Variants in GABRG2 observed in about 807,000 individuals in gnomAD.
The protein encoded by GABRG2 is gamma-aminobutyric acid type A receptor subunit gamma2.
Under a neutral mutation model 56.4 loss-of-function variants are expected in GABRG2, and 16 were observed. The observed-to-expected ratio is 0.28, with a 90% CI of 0.19 to 0.43. The LOEUF (loss-of-function observed/expected upper bound fraction) is 0.43. Among genes scored for constraint, GABRG2 ranks in the 20% least tolerant of loss-of-function variants. The pLI is 1.00. For missense variants in GABRG2, 327 were observed against 582.7 expected, an observed-to-expected ratio of 0.56 and a Z score of 4.52; for synonymous variants, 208 against 205.5, an observed-to-expected ratio of 1.01 and a Z score of -0.10.
At position 162,099,571 on chromosome 5, in the gene GABRG2, A is replaced by G. The variant is rs542619773; in HGVS notation, c.549-1664A>G. On this transcript the variant is annotated intron_variant, in intron 4 of 9. Transcript: ENST00000639213. Reference sequence around the variant, plus strand: ...AGGCGACAGCCATGGCATCTGGCCAATGCCTGAATGTAGAATCTAGTGGGT... The same window carrying G: ...AGGCGACAGCCATGGCATCTGGCCAGTGCCTGAATGTAGAATCTAGTGGGT... 6.6e-5 allele frequency: 10 copies of G among 152,328 alleles called. No individual in the cohort carries two copies. The East Asian group carries it at 1.7e-3, about 26-fold the overall frequency. The allele number at this position is 152,328 out of a possible 1,614,324, so 9.4% of individuals were successfully genotyped here. A position where few individuals can be genotyped will look rare whatever the true frequency, so the allele number is the denominator to read the frequency against.
chr5:162,075,932 C>A (rs543883346), intron 1 of GABRG2, among the ~76,000 whole-genome samples: 1 of 151,728 alleles, frequency 6.6e-6, no homozygotes, highest in African/African-American at 2.4e-5. Flanking sequence ...GCAGGAGGAT[C>A]GCTTGTGCCC....
intron 9 of GABRG2, 185 bp downstream of exon 9, chr5:162,151,938 T>G (rs1006486840): frequency 2.3e-5 from 12 of 532,282 alleles, no homozygotes; most frequent in Non-Finnish European, 3.9e-5. Context: ...TCACATAGGT[T>G]TTAATCTTAC....
intron 8 of GABRG2, chr5:162,149,517 A>C: frequency 2.7e-6 from 2 of 746,820 alleles, no homozygotes; most frequent in Non-Finnish European, 4.9e-6. Flanking sequence ...TTTCTGTGTC[A>C]GAGTTCTTAT....
chr5:162,084,184 G>A (rs556191485), intron 1 of GABRG2, among the ~76,000 whole-genome samples: 1 of 151,846 alleles, frequency 6.6e-6, no homozygotes, highest in South Asian at 2.1e-4. Context: ...TATGCTGAAG[G>A]AAAATTAAAA....
At chr5:162,132,389 G>C (rs1763819807) in intron 6 of GABRG2, among the ~76,000 whole-genome samples, 1 of 151,916 alleles carries the variant, frequency 6.6e-6, no homozygotes, top group Non-Finnish European at 1.5e-5. Flanking sequence ...AGAATTCTTT[G>C]TTCTTTCAAC....
At chr5:162,112,868 A>G (rs1293757741) in intron 6 of GABRG2, among the ~76,000 whole-genome samples, 1 of 152,186 alleles carries the variant, frequency 6.6e-6, no homozygotes, top group African/African-American at 2.4e-5. Flanking sequence ...CAGATAGTAA[A>G]ACCCCAAGGA....
intron 1 of GABRG2, among the ~76,000 whole-genome samples, chr5:162,070,346 A>G (rs899416953): frequency 6.6e-6 from 1 of 152,110 alleles, no homozygotes; most frequent in Non-Finnish European, 1.5e-5. Flanking sequence ...ATCCCATAAA[A>G]AAAGTCATTT....
intron 6 of GABRG2, among the ~76,000 whole-genome samples, chr5:162,137,204 T>TA (rs1561656915): frequency 6.6e-6 from 1 of 152,188 alleles, no homozygotes; most frequent in African/African-American, 2.4e-5. Flanking sequence ...TCTAGGCACA[T>TA]AAAAAACCGT....
chr5:162,149,116 A>G lies in GABRG2; in HGVS notation c.931A>G (p.Thr311Ala), dbSNP rs2113632510. The G allele has an allele frequency of 1.2e-6, 2 of 1,613,856 alleles. No homozygotes were observed. Among genetic ancestry groups the G allele is most frequent in the Non-Finnish European group, 1.7e-6 (2 of 1,179,872 alleles). ...VPARTSLGIT[T>A]VLTMTTLSTI... ...ATTACACCTCTCTTCAGGTATCACC[A>G]CTGTCCTGACAATGACCACCCTCAG... The change falls in exon 8 of 10, where the codon ACT becomes GCT. Residue 311 changes from threonine (T) to alanine (A), a missense_variant. Around this residue, in one of 4 missense-constraint regions of GABRG2, gnomAD observed 42 missense variants for 156.9 expected, o/e 0.27. Transcript: ENST00000639213.
At chr5:162,128,192 C>G (rs78447120) in intron 6 of GABRG2, 3 of 151,960 alleles carry the variant, frequency 2.0e-5, no homozygotes, top group Non-Finnish European at 2.9e-5. Flanking sequence ...GGTGGCTGCA[C>G]GCCAAGCCAA....
intron 7 of GABRG2, among the ~76,000 whole-genome samples, chr5:162,146,486 C>G (rs77084045): frequency 0.11 from 16,165 of 152,132 alleles, 974 homozygotes; most frequent in South Asian, 0.13. Context: ...ATCTTAACTA[C>G]TTTATTTGCA....
At chr5:162,136,937 C>T (rs1764177803) in intron 6 of GABRG2, among the ~76,000 whole-genome samples, 1 of 152,118 alleles carries the variant, frequency 6.6e-6, no homozygotes, top group South Asian at 2.1e-4. Context: ...TAGAGCTTAG[C>T]TATATATTTT....
At chr5:162,077,335 T>G (rs145823895) in intron 1 of GABRG2, among the ~76,000 whole-genome samples, 1 of 152,324 alleles carries the variant, frequency 6.6e-6, no homozygotes, top group East Asian at 1.9e-4. Context: ...ATAATACTTA[T>G]GCATATGAGT....
chr5:162,076,131 G>A (rs1387790006), intron 1 of GABRG2, among the ~76,000 whole-genome samples: 1 of 152,100 alleles, frequency 6.6e-6, no homozygotes, highest in East Asian at 1.9e-4. Context: ...AAGCCTGGGT[G>A]ACAGAGTGAG....
At chr5:162,118,501 T>A (rs1381247880) in intron 6 of GABRG2, among the ~76,000 whole-genome samples, 1 of 152,080 alleles carries the variant, frequency 6.6e-6, no homozygotes, top group Non-Finnish European at 1.5e-5. Context: ...ATTACATAGG[T>A]GCTGTAATAG....
At chr5:162,105,331 T>C (rs1761722645) in intron 6 of GABRG2, among the ~76,000 whole-genome samples, 2 of 152,098 alleles carry the variant, frequency 1.3e-5, no homozygotes, top group South Asian at 4.2e-4. Context: ...GAAAAAAGAA[T>C]CTGAAAGAAG....
Position 162,149,092 on chromosome 5 carries a change from T to C in GABRG2, c.923-16T>C. On this transcript the variant is annotated splice_polypyrimidine_tract_variant and intron_variant, in intron 7 of 9. Transcript: ENST00000639213. ...TTATGCAATCACATGACCTGTATTA[T>C]TACACCTCTCTTCAGGTATCACCAC... The C allele has an allele frequency of 1.9e-6, 3 of 1,612,232 alleles. No individual in the cohort carries two copies. The highest frequency in any genetic ancestry group is 2.5e-6 in the Non-Finnish European group (3 of 1,178,700).
chr5:162,141,164 G>T (rs955622316), intron 6 of GABRG2, among the ~76,000 whole-genome samples: 1 of 151,940 alleles, frequency 6.6e-6, no homozygotes, highest in African/African-American at 2.4e-5. Context: ...AGCCTCCCGA[G>T]TAGCTGGGAC....
chr5:162,068,891 T>C (rs1758447586), intron 1 of GABRG2, among the ~76,000 whole-genome samples: 1 of 152,090 alleles, frequency 6.6e-6, no homozygotes, highest in Non-Finnish European at 1.5e-5. Context: ...GTGGAGAACG[T>C]AGTTAAATGA....
Sources: gnomAD v4.1 joint callset for allele counts (sites outside exome capture counted in the v4.1 genomes callset) on GRCh38, gnomAD v4.1.1 for gene constraint, gnomAD v4.1.1 regional missense constraint, MANE v1.5 for transcripts, NCBI Gene and HGNC (gene_info 2026-07-23, HGNC 2026-07-21) for gene names.